Variants in SAFB2 observed in about 807,000 individuals in gnomAD.
The protein encoded by SAFB2 is scaffold attachment factor B2.
In SAFB2, 32 loss-of-function variants were observed where a neutral mutation model predicts 100.6. The ratio of observed to expected loss-of-function variants is 0.32; its 90% CI spans 0.24 to 0.43. The LOEUF (loss-of-function observed/expected upper bound fraction) is 0.43. SAFB2 is among the 20% of genes least tolerant of loss of function. SAFB2 has a pLI of 1.00. For missense variants in SAFB2, 1,185 were observed against 1,163.4 expected, an observed-to-expected ratio of 1.02 and a Z score of -0.27; for synonymous variants, 500 against 439.4, an observed-to-expected ratio of 1.14 and a Z score of -1.72.
At position 5,593,711 on chromosome 19, in the gene SAFB2, C is replaced by T. The variant is rs1309530464; in HGVS notation, c.2207+180G>A. The T allele has an allele frequency of 1.8e-5, 11 of 622,866 alleles. No homozygotes were observed. In the Admixed American group the frequency reaches 1.9e-4, roughly 11 times the overall value. The allele number at this position is 622,866 out of a possible 1,614,324, so 38.6% of individuals were successfully genotyped here. On this transcript the variant is annotated intron_variant, in intron 15 of 20. Transcript: ENST00000252542. The stretch of plus-strand genomic sequence containing the variant: ...GCTACACAGCCTCCGGTGAGGACAG[C>T]GAACTAATAAACCTGCAGCAGCGCA...
In SAFB2 at chr19:5,620,148, G is replaced by A. The variant is rs148883793; in HGVS notation, c.274+1161C>T. 1.6e-3 allele frequency among the ~76,000 whole-genome samples: 249 copies of A among 152,260 alleles called. 2 individuals carry two copies. The highest frequency in any genetic ancestry group is 5.8e-3 in the African/African-American group (241 of 41,550). The stretch of plus-strand genomic sequence containing the variant: ...AAGAACAGCAAAAACGCATCCATGT[G>A]TCAAAATTAAACTTTAACTTAAAGC... On this transcript the variant is annotated intron_variant, in intron 2 of 20. Coordinates refer to ENST00000252542, the MANE Select transcript of SAFB2 (RefSeq NM_014649.3).
chr19:5,609,412 T>C (rs1198146703), intron 9 of SAFB2, among the ~76,000 whole-genome samples: 1 of 150,346 alleles, frequency 6.7e-6, no homozygotes, highest in Non-Finnish European at 1.5e-5. Context: ...CAAGTGATTC[T>C]CCCACCTCAG....
At chr19:5,588,074 G>C in intron 18 of SAFB2, 94 bp from the exon 19 acceptor site, 1 of 1,091,396 alleles carries the variant, frequency 9.2e-7, no homozygotes, top group Non-Finnish European at 1.3e-6. Context: ...CTGCATGGTG[G>C]GTCATGCCAC....
intron 15 of SAFB2, chr19:5,593,532 C>T (rs377559384): frequency 4.4e-6 from 1 of 228,592 alleles, no homozygotes; most frequent in Non-Finnish European, 8.4e-6. Flanking sequence ...CCGGCAGAGT[C>T]AGCGGTGGCC....
intron 17 of SAFB2, 100 bp downstream of exon 17, chr19:5,591,648 C>T: frequency 8.5e-7 from 1 of 1,182,530 alleles, no homozygotes; most frequent in South Asian, 1.3e-5. Context: ...GACTTGGTTG[C>T]CACCTCTCTG....
chr19:5,610,255 G>A (rs898521058), intron 8 of SAFB2, 160 bp from the exon 9 acceptor site: 4 of 627,420 alleles, frequency 6.4e-6, no homozygotes, highest in East Asian at 5.5e-5. Flanking sequence ...ACAGAAGGCT[G>A]AAAATCTGGA....
chr19:5,595,277 C>T, intron 14 of SAFB2, 84 bp downstream of exon 14: 1 of 1,528,348 alleles, frequency 6.5e-7, no homozygotes, highest in Non-Finnish European at 8.8e-7. Flanking sequence ...GGCACACAGA[C>T]TGCGCACTCC....
chr19:5,599,501 C>T (rs1214711664), intron 12 of SAFB2, among the ~76,000 whole-genome samples: 1 of 152,184 alleles, frequency 6.6e-6, no homozygotes, highest in African/African-American at 2.4e-5. Flanking sequence ...GCTGAAGATC[C>T]AGCTTGTAAT....
chr19:5,600,678 G>A (rs1183411191), intron 11 of SAFB2, among the ~76,000 whole-genome samples: 2 of 152,128 alleles, frequency 1.3e-5, no homozygotes, highest in African/African-American at 2.4e-5. Flanking sequence ...CAGCCTCAAC[G>A]GGATGGAGGC....
chr19:5,596,525 G>T (rs910748061), intron 13 of SAFB2, among the ~76,000 whole-genome samples: 1 of 152,020 alleles, frequency 6.6e-6, no homozygotes, highest in African/African-American at 2.4e-5. Flanking sequence ...TTCTATTTTT[G>T]TAGAGACAGG....
intron 2 of SAFB2, among the ~76,000 whole-genome samples, chr19:5,619,986 A>G (rs1166352541): frequency 1.3e-5 from 2 of 152,202 alleles, no homozygotes; most frequent in Admixed American, 1.3e-4. Context: ...TTTCCCAACC[A>G]CTAAAAAAAG....
chr19:5,617,767 G>A (rs2053062984), intron 2 of SAFB2, among the ~76,000 whole-genome samples: 1 of 152,164 alleles, frequency 6.6e-6, no homozygotes, highest in Non-Finnish European at 1.5e-5. Context: ...TGCCAATGCT[G>A]AGAAACCCTG....
intron 13 of SAFB2, among the ~76,000 whole-genome samples, chr19:5,596,446 G>C (rs1351894292): frequency 6.6e-6 from 1 of 152,156 alleles, no homozygotes; most frequent in East Asian, 1.9e-4. Context: ...GCAGGATCAA[G>C]TGATCCTCCC....
chr19:5,622,635 C>T lies in SAFB2; in HGVS notation c.81G>A (p.Thr27=). 6.2e-7 allele frequency: 1 copy of T among 1,611,716 alleles called. No individual in the cohort carries two copies. Among genetic ancestry groups the T allele is most frequent in the Non-Finnish European group, 8.5e-7 (1 of 1,179,486 alleles). Residue 27 remains threonine, a synonymous_variant, in exon 1 of 21, where the codon ACG becomes ACA. Coordinates refer to ENST00000252542, the MANE Select transcript of SAFB2 (RefSeq NM_014649.3). ...SLGPGVAETG[T]RRLSELRVID... ...TCACCCGCAGCTCGCTGAGCCGCCTCGTCCCAGTCTCCGCAACGCCCGGGC... is the reference window on the plus strand; with the variant it reads ...TCACCCGCAGCTCGCTGAGCCGCCTTGTCCCAGTCTCCGCAACGCCCGGGC...
At chr19:5,608,770 C>T (rs2052834659) in intron 9 of SAFB2, among the ~76,000 whole-genome samples, 4 of 152,220 alleles carry the variant, frequency 2.6e-5, no homozygotes, top group South Asian at 2.1e-4. Flanking sequence ...AGACTCTTGG[C>T]TAGGCGCGGT....
chr19:5,591,614 A>G, intron 17 of SAFB2, 134 bp downstream of exon 17: 1 of 757,788 alleles, frequency 1.3e-6, no homozygotes, highest in Non-Finnish European at 2.2e-6. Context: ...CAGAACCCAC[A>G]CTTGCATACC....
At chr19:5,616,621 TA>T in intron 2 of SAFB2, 135 bp from the exon 3 acceptor site, 1 of 681,448 alleles carries the variant, frequency 1.5e-6, no homozygotes, top group Non-Finnish European at 2.5e-6. Context: ...CTGTCACACG[TA>T]ATTTTGTCTC....
chr19:5,597,289 G>C (rs2052553153), intron 13 of SAFB2, among the ~76,000 whole-genome samples: 1 of 152,148 alleles, frequency 6.6e-6, no homozygotes, highest in Non-Finnish European at 1.5e-5. Flanking sequence ...AAAGAGGCTG[G>C]GAGTGGTGGC....
chr19:5,612,959 A>G (rs1275528048), intron 5 of SAFB2, among the ~76,000 whole-genome samples: 1 of 152,248 alleles, frequency 6.6e-6, no homozygotes, highest in African/African-American at 2.4e-5. Flanking sequence ...GAAACCTGTC[A>G]TAACAAAATG....
Sources: allele counts gnomAD v4.1 joint callset (sites outside exome capture counted in the v4.1 genomes callset), GRCh38; gene constraint gnomAD v4.1.1; transcripts MANE v1.5; gene names NCBI Gene and HGNC (gene_info 2026-07-23, HGNC 2026-07-21).